The following CRTC3 variants were observed in gnomAD, a reference collection of about 807,000 sequenced individuals.
CRTC3 encodes CREB-regulated transcription coactivator 3.
A neutral mutation model predicts 74.5 loss-of-function variants in CRTC3; 26 were observed. That is an observed-to-expected ratio of 0.35 (90% CI 0.26 to 0.48). The LOEUF (loss-of-function observed/expected upper bound fraction) is 0.48, where lower values mean the gene tolerates loss of function less well. CRTC3 is among the 20% of genes least tolerant of loss of function. The pLI, the probability that CRTC3 is intolerant of heterozygous loss-of-function variation, is 0.99. For synonymous variants in CRTC3, 377 were observed against 325.8 expected (o/e 1.16, Z -1.69); for missense variants, 760 against 787.3 (o/e 0.97, Z 0.41).
intron 2 of CRTC3, among the ~76,000 whole-genome samples, chr15:90,566,045 A>G (rs1420317443): frequency 6.6e-6 from 1 of 152,210 alleles, no homozygotes; most frequent in African/African-American, 2.4e-5. Flanking sequence ...TGAACACACA[A>G]ATGATAAGAA....
In CRTC3 at chr15:90,640,723, T is replaced by A. The variant is rs75476657; in HGVS notation, c.1549-374T>A. Among the ~76,000 whole-genome samples the A allele has an allele frequency of 5.1e-3, 780 of 151,822 alleles. 7 individuals are homozygous for A. The highest frequency in any genetic ancestry group is 0.042 in the East Asian group (216 of 5,162). On this transcript the variant is annotated intron_variant, in intron 13 of 14. Coordinates refer to ENST00000268184, the MANE Select transcript of CRTC3 (RefSeq NM_022769.5). ...AAACCAAGGAAGAAGAGTCCATACT[T>A]CCTTGGTTATAGACAGAGCCTTTGA...
intron 2 of CRTC3, among the ~76,000 whole-genome samples, chr15:90,578,080 T>C (rs1260636242): frequency 6.6e-6 from 1 of 152,084 alleles, no homozygotes; most frequent in Non-Finnish European, 1.5e-5. Flanking sequence ...CAGGTCCAGC[T>C]AATTTTTTGT....
chr15:90,535,061 T>C (rs1007614190), intron 1 of CRTC3, among the ~76,000 whole-genome samples: 2 of 151,358 alleles, frequency 1.3e-5, no homozygotes, highest in African/African-American at 4.9e-5. Flanking sequence ...CTCAGGAGAC[T>C]GAGGCAAGAG....
At chr15:90,619,140 T>C (rs576576032) in intron 8 of CRTC3, among the ~76,000 whole-genome samples, 3 of 152,348 alleles carry the variant, frequency 2.0e-5, no homozygotes, top group South Asian at 2.1e-4. Context: ...CTCAAGCCAA[T>C]TGGAAAAGAA....
chr15:90,545,588 T>TA (rs1567160765), intron 2 of CRTC3, among the ~76,000 whole-genome samples: 2 of 150,400 alleles, frequency 1.3e-5, no homozygotes, highest in Non-Finnish European at 3.0e-5. Context: ...TTTTTTTTTT[T>TA]ACTTTTGAGA....
At chr15:90,535,287 G>A (rs923970853) in intron 1 of CRTC3, among the ~76,000 whole-genome samples, 4 of 152,182 alleles carry the variant, frequency 2.6e-5, no homozygotes, top group Non-Finnish European at 5.9e-5. Flanking sequence ...AGAGCAACCA[G>A]AGGGGCAGGA....
At chr15:90,563,936 C>T (rs2151066812) in intron 2 of CRTC3, among the ~76,000 whole-genome samples, 1 of 152,264 alleles carries the variant, frequency 6.6e-6, no homozygotes, top group Admixed American at 6.5e-5. Context: ...AGTGTTTCTA[C>T]CACTTCTATC....
intron 2 of CRTC3, among the ~76,000 whole-genome samples, chr15:90,572,440 G>A (rs931413857): frequency 1.3e-5 from 2 of 152,130 alleles, no homozygotes; most frequent in African/African-American, 4.8e-5. Flanking sequence ...AAATAGCTGG[G>A]TAAGAAGGGT....
intron 2 of CRTC3, among the ~76,000 whole-genome samples, chr15:90,583,814 A>G (rs923778208): frequency 1.3e-5 from 2 of 151,844 alleles, no homozygotes; most frequent in African/African-American, 2.4e-5. Flanking sequence ...GAGATTTGTT[A>G]TACATTTTGA....
chr15:90,538,138 T>A (rs1174802868), intron 1 of CRTC3, among the ~76,000 whole-genome samples: 2 of 152,254 alleles, frequency 1.3e-5, no homozygotes, highest in African/African-American at 4.8e-5. Context: ...GACACACAGT[T>A]AAGTTTTTGT....
intron 11 of CRTC3, among the ~76,000 whole-genome samples, chr15:90,631,443 C>G (rs1487202491): frequency 6.6e-6 from 1 of 152,020 alleles, no homozygotes; most frequent in African/African-American, 2.4e-5. Flanking sequence ...AACAGGGTCT[C>G]CCTGGGCTGG....
At chr15:90,618,435 A>G (rs969546959) in intron 8 of CRTC3, among the ~76,000 whole-genome samples, 1 of 152,302 alleles carries the variant, frequency 6.6e-6, no homozygotes, top group Middle Eastern at 3.4e-3. Context: ...CTGTTTTACT[A>G]TGATTTCCAT....
intron 11 of CRTC3, 84 bp from the exon 12 acceptor site, chr15:90,638,362 C>T: frequency 8.3e-7 from 1 of 1,198,582 alleles, no homozygotes; most frequent in South Asian, 1.3e-5. Flanking sequence ...CAGGCTTCCT[C>T]TCACTCTGAC....
chr15:90,628,819 C>T (rs2151092552), intron 10 of CRTC3, among the ~76,000 whole-genome samples: 1 of 151,756 alleles, frequency 6.6e-6, no homozygotes, highest in South Asian at 2.1e-4. Context: ...AGGATGTTCT[C>T]CAAAGGTAGC....
At chr15:90,626,097 G>A (rs191307369) in intron 10 of CRTC3, 104 bp downstream of exon 10, 6 of 861,846 alleles carry the variant, frequency 7.0e-6, no homozygotes, top group African/African-American at 1.7e-5. Flanking sequence ...CTGCATCCCA[G>A]TTAGAGATGA....
chr15:90,600,798 G>A (rs1032412911), intron 3 of CRTC3, among the ~76,000 whole-genome samples: 1 of 152,196 alleles, frequency 6.6e-6, no homozygotes, highest in Non-Finnish European at 1.5e-5. Context: ...AGTTTGGGAT[G>A]AAAAGTATTA....
At chr15:90,573,320 C>G (rs569254444) in intron 2 of CRTC3, among the ~76,000 whole-genome samples, 2 of 152,216 alleles carry the variant, frequency 1.3e-5, no homozygotes, top group East Asian at 3.9e-4. Flanking sequence ...CTTGTATATT[C>G]CAAATATTTT....
chr15:90,595,754 A>G (rs564449999), intron 3 of CRTC3: 12 of 152,276 alleles, frequency 7.9e-5, no homozygotes, highest in Admixed American at 7.9e-4. Flanking sequence ...TACTAACCAA[A>G]ATAGAGAAGG....
intron 2 of CRTC3, among the ~76,000 whole-genome samples, chr15:90,592,562 G>A (rs1214404689): frequency 6.6e-6 from 1 of 152,106 alleles, no homozygotes; most frequent in African/African-American, 2.4e-5. Context: ...CGTACCCCAA[G>A]CATCTCTTTA....
Sources: gnomAD v4.1 joint callset for allele counts (sites outside exome capture counted in the v4.1 genomes callset) on GRCh38, gnomAD v4.1.1 for gene constraint, MANE v1.5 for transcripts, NCBI Gene and HGNC (gene_info 2026-07-23, HGNC 2026-07-21) for gene names.